The following PSMD14 variants were observed in gnomAD, a reference collection of about 807,000 sequenced individuals.
The protein encoded by PSMD14 is proteasome 26S subunit, non-ATPase 14, also known as ubiquitin C-terminal hydrolase PSMD14.
PSMD14 carries 7 observed loss-of-function variants against 41.2 expected under a neutral mutation model. The observed-to-expected ratio is 0.17, with a 90% CI of 0.10 to 0.32. PSMD14 has a LOEUF of 0.32. Among genes scored for constraint, PSMD14 ranks in the 10% least tolerant of loss-of-function variants. PSMD14 has a pLI of 1.00. For synonymous variants in PSMD14, 114 were observed against 122.3 expected (o/e 0.93, Z 0.45); for missense variants, 139 against 375.6 (o/e 0.37, Z 5.21).
intron 3 of PSMD14, among the ~76,000 whole-genome samples, chr2:161,320,681 G>A (rs185452321): frequency 6.6e-6 from 1 of 151,934 alleles, no homozygotes; most frequent in East Asian, 1.9e-4. Context: ...GAAACGTTAA[G>A]TGTATTTTTT....
chr2:161,362,269 T>TG (rs2105253442), intron 3 of PSMD14, among the ~76,000 whole-genome samples: 2 of 152,242 alleles, frequency 1.3e-5, no homozygotes, highest in South Asian at 4.1e-4. Context: ...TCCAGAATAG[T>TG]AAAGTCAACA....
chr2:161,396,965 T>C (rs972684877), intron 10 of PSMD14, among the ~76,000 whole-genome samples: 1 of 152,040 alleles, frequency 6.6e-6, no homozygotes, highest in Admixed American at 6.6e-5. Context: ...GTAGCTGGGA[T>C]TACAGGCGCC....
chr2:161,397,065 GGTGATC>G (rs1166513455), intron 10 of PSMD14, among the ~76,000 whole-genome samples: 1 of 152,060 alleles, frequency 6.6e-6, no homozygotes. Flanking sequence ...CCTGACCTCA[GGTGATC>G]CACCTGCCTT....
intron 7 of PSMD14, among the ~76,000 whole-genome samples, chr2:161,378,537 C>G (rs1489050314): frequency 6.6e-6 from 1 of 151,706 alleles, no homozygotes; most frequent in Non-Finnish European, 1.5e-5. Context: ...TTATTTTGCA[C>G]TGTATTTTGT....
chr2:161,367,701 C>G, intron 4 of PSMD14, 83 bp from the exon 5 acceptor site: 1 of 1,517,230 alleles, frequency 6.6e-7, no homozygotes, highest in Admixed American at 2.3e-5. Flanking sequence ...TTCACTGGAA[C>G]AAAATTTGGT....
intron 1 of PSMD14, among the ~76,000 whole-genome samples, chr2:161,313,215 G>A (rs1397978518): frequency 2.0e-5 from 3 of 152,088 alleles, no homozygotes; most frequent in Admixed American, 2.0e-4. Flanking sequence ...CATGTACCAG[G>A]CAAAATAGTC....
chr2:161,375,120 A>C (rs1683486017), intron 7 of PSMD14, among the ~76,000 whole-genome samples: 1 of 152,022 alleles, frequency 6.6e-6, no homozygotes, highest in Admixed American at 6.6e-5. Flanking sequence ...ACTGCAGGTC[A>C]GCTTATCTGC....
intron 2 of PSMD14, 26 bp from the exon 3 acceptor site, chr2:161,318,796 G>GT: frequency 1.9e-6 from 3 of 1,602,970 alleles, no homozygotes; most frequent in Non-Finnish European, 2.6e-6. Flanking sequence ...GCTTAGGAAC[G>GT]TTTTTTCTTT....
At chr2:161,394,544 T>A (rs1020090962) in intron 9 of PSMD14, among the ~76,000 whole-genome samples, 3 of 152,184 alleles carry the variant, frequency 2.0e-5, no homozygotes, top group Non-Finnish European at 2.9e-5. Flanking sequence ...ATTTCATTAA[T>A]TCATTCATTC....
At chr2:161,342,432 T>A (rs1682979514) in intron 3 of PSMD14, among the ~76,000 whole-genome samples, 1 of 152,316 alleles carries the variant, frequency 6.6e-6, no homozygotes, top group African/African-American at 2.4e-5. Context: ...TAAGATGATC[T>A]TTTTTATTCC....
rs749719232 is a variant in PSMD14 at position 161,370,096 on chromosome 2, T to G, written c.241-11T>G. 20 of 1,545,256 alleles carry G rather than the reference T, an allele frequency of 1.3e-5. No individual in the cohort carries two copies. The highest frequency in any genetic ancestry group is 1.6e-5 in the Non-Finnish European group (18 of 1,145,538). On this transcript the variant is annotated splice_polypyrimidine_tract_variant and intron_variant, in intron 5 of 11. Transcript: ENST00000409682. ...ACAAAAATTAATAATTTTTCTTTCTTTCTAAATCAGGGTGTCAGTGTGGAG... is the reference window on the plus strand; with the variant it reads ...ACAAAAATTAATAATTTTTCTTTCTGTCTAAATCAGGGTGTCAGTGTGGAG...
chr2:161,341,173 C>T (rs923223339), intron 3 of PSMD14: 6 of 965,266 alleles, frequency 6.2e-6, no homozygotes, highest in Non-Finnish European at 7.4e-6. Flanking sequence ...GCCGGGGCCC[C>T]GGTGGCCTCG....
intron 3 of PSMD14, among the ~76,000 whole-genome samples, chr2:161,355,824 T>C (rs1683188183): frequency 1.3e-5 from 2 of 152,352 alleles, no homozygotes; most frequent in African/African-American, 4.8e-5. Flanking sequence ...GGGACAGTTG[T>C]TGGATCCGCA....
In PSMD14 at chr2:161,310,476, G is replaced by C. The variant is rs549310255; in HGVS notation, c.-138+1872G>C. ...TGCTCAGGAACTTGTCATATTCCCT[G>C]TTTGTTGCAGTCATTTTGACATTTC... On this transcript the variant is annotated intron_variant, in intron 1 of 11. Transcript: ENST00000409682. 1.2e-4 allele frequency among the ~76,000 whole-genome samples: 18 copies of C among 152,250 alleles called. No homozygotes were observed. The South Asian group carries it at 2.7e-3, about 23-fold the overall frequency.
At chr2:161,338,908 A>G (rs148410300) in intron 3 of PSMD14, among the ~76,000 whole-genome samples, 1 of 152,278 alleles carries the variant, frequency 6.6e-6, no homozygotes, top group African/African-American at 2.4e-5. Flanking sequence ...ATATAATAGG[A>G]ACTCTTCTTT....
chr2:161,329,484 C>A (rs189750955), intron 3 of PSMD14, among the ~76,000 whole-genome samples: 5 of 152,028 alleles, frequency 3.3e-5, no homozygotes, highest in Non-Finnish European at 7.4e-5. Flanking sequence ...TTTATATGCT[C>A]ATGAATATTC....
At position 161,367,678 on chromosome 2, in the gene PSMD14, A is replaced by G. The variant is rs948474657; in HGVS notation, c.121-106A>G. Reference sequence around the variant, plus strand: ...CTATTGTTTTAGGTACATTTATAAAAGGAGTTTTTATTTTCACTGGAACAA... The same window carrying G: ...CTATTGTTTTAGGTACATTTATAAAGGGAGTTTTTATTTTCACTGGAACAA... On this transcript the variant is annotated intron_variant, in intron 4 of 11. Coordinates refer to ENST00000409682, the MANE Select transcript of PSMD14 (RefSeq NM_005805.6). 1.1e-5 allele frequency: 14 copies of G among 1,332,054 alleles called. No homozygotes were observed. The African/African-American group carries it at 4.3e-4, about 41-fold the overall frequency. 82.5% of individuals were successfully genotyped at this position (1,332,054 alleles called of 1,614,324 possible).
Position 161,333,595 on chromosome 2 carries a change from T to A in PSMD14, c.48+14722T>A, listed in dbSNP as rs150705395. On this transcript the variant is annotated intron_variant, in intron 3 of 11. Transcript: ENST00000409682. ...AGGAAGAGAGAATGAGAATGCAGTG[T>A]AAATGTTCAAGAAAGCAGATAGTTT... 4.6e-3 allele frequency among the ~76,000 whole-genome samples: 707 copies of A among 152,364 alleles called. 3 individuals carry two copies. The highest frequency in any genetic ancestry group is 0.023 in the East Asian group (119 of 5,194).
intron 7 of PSMD14, among the ~76,000 whole-genome samples, chr2:161,373,899 A>G (rs1391604791): frequency 2.0e-5 from 3 of 151,882 alleles, no homozygotes; most frequent in Non-Finnish European, 4.4e-5. Context: ...TGAGCCAGGT[A>G]TTGTGAATAA....
Sources: gnomAD v4.1 joint callset for allele counts (sites outside exome capture counted in the v4.1 genomes callset) on GRCh38, gnomAD v4.1.1 for gene constraint, MANE v1.5 for transcripts, NCBI Gene and HGNC (gene_info 2026-07-23, HGNC 2026-07-21) for gene names.